The following KLHL13 variants were observed in gnomAD, a reference collection of about 807,000 sequenced individuals.
The protein encoded by KLHL13 is kelch like family member 13, also known as kelch-like protein 13.
Under a neutral mutation model 37.1 loss-of-function variants are expected in KLHL13, and 10 were observed. The observed-to-expected ratio is 0.27, with a 90% CI of 0.17 to 0.46. KLHL13 has a LOEUF of 0.46. Ranked by LOEUF, KLHL13 falls within the 20% of genes least tolerant of loss-of-function variation. The pLI, the probability that KLHL13 is intolerant of heterozygous loss-of-function variation, is 1.00. For missense variants in KLHL13, 360 were observed against 509.3 expected (o/e 0.71, Z 2.82); for synonymous variants, 163 against 181.2 (o/e 0.90, Z 0.81).
intron 6 of KLHL13, among the ~76,000 whole-genome samples, chrX:117,900,672 A>T (rs761658341): frequency 8.9e-6 from 1 of 111,734 alleles, no homozygotes; most frequent in Non-Finnish European, 1.9e-5. Flanking sequence ...AAAATTTCAT[A>T]AGGCAGTGGT....
At chrX:118,022,151 A>G (rs888564803) in intron 1 of KLHL13, among the ~76,000 whole-genome samples, 2 of 111,884 alleles carry the variant, frequency 1.8e-5, no homozygotes, top group Admixed American at 1.9e-4. Context: ...AGATGGGTAG[A>G]TTGTAAAAAT....
intron 2 of KLHL13, among the ~76,000 whole-genome samples, chrX:117,926,771 C>G (rs890898625): frequency 9.2e-6 from 1 of 108,623 alleles, no homozygotes. Flanking sequence ...CACCTCACCC[C>G]ACCCCCTATC....
At chrX:118,035,257 T>C (rs1332656604) in intron 1 of KLHL13, among the ~76,000 whole-genome samples, 8 of 101,224 alleles carry the variant, frequency 7.9e-5, no homozygotes, top group Non-Finnish European at 1.5e-4. Context: ...CCAGCATCAT[T>C]ATGATACCAA....
chrX:118,049,617 G>A (rs2054593896), intron 1 of KLHL13, among the ~76,000 whole-genome samples: 1 of 109,719 alleles, frequency 9.1e-6, no homozygotes. Context: ...AAAATTGATA[G>A]GTCTATCTGG....
chrX:118,007,456 T>A (rs2054000016), intron 1 of KLHL13, among the ~76,000 whole-genome samples: 1 of 108,223 alleles, frequency 9.2e-6, no homozygotes, highest in South Asian at 4.1e-4. Context: ...CAAAGTTATA[T>A]ATTAGTATTT....
intron 1 of KLHL13, among the ~76,000 whole-genome samples, chrX:118,007,399 A>C (rs773479826): frequency 9.5e-6 from 1 of 105,019 alleles, no homozygotes; most frequent in African/African-American, 3.5e-5. Context: ...AAAAAGAGAG[A>C]GAGACCTGCC....
chrX:118,032,211 A>C (rs2497846), intron 1 of KLHL13, among the ~76,000 whole-genome samples: 3 of 110,256 alleles, frequency 2.7e-5, no homozygotes, highest in African/African-American at 6.7e-5. Flanking sequence ...CAAAGCAGCC[A>C]GGAAGCTTGA....
At chrX:118,078,043 G>A (rs1440230105) in intron 1 of KLHL13, among the ~76,000 whole-genome samples, 1 of 111,917 alleles carries the variant, frequency 8.9e-6, no homozygotes, top group Admixed American at 9.5e-5. Flanking sequence ...GAATATCTGT[G>A]TAACAACTTT....
intron 1 of KLHL13, among the ~76,000 whole-genome samples, chrX:118,042,996 G>T (rs2054521000): frequency 9.2e-6 from 1 of 108,816 alleles, no homozygotes; most frequent in Admixed American, 9.8e-5. Flanking sequence ...CAAACCCTGA[G>T]CCAGACAGAA....
At chrX:118,020,178 G>A (rs2054186225) in intron 1 of KLHL13, among the ~76,000 whole-genome samples, 1 of 108,014 alleles carries the variant, frequency 9.3e-6, no homozygotes, top group Non-Finnish European at 1.9e-5. Context: ...TTGAGCAGTG[G>A]TTTGTAGTTC....
intron 1 of KLHL13, among the ~76,000 whole-genome samples, chrX:117,966,954 T>A (rs1022219828): frequency 2.7e-5 from 3 of 111,262 alleles, no homozygotes; most frequent in Admixed American, 1.9e-4. Context: ...AACCATAAAA[T>A]CCCTTGAAGA....
chrX:117,900,041 A>G (rs1929990243), intron 6 of KLHL13, among the ~76,000 whole-genome samples: 1 of 112,401 alleles, frequency 8.9e-6, no homozygotes, highest in South Asian at 3.7e-4. Context: ...ATATTTAAAA[A>G]TCTAAAGAAT....
At chrX:118,036,808 C>T (rs2054448865) in intron 1 of KLHL13, among the ~76,000 whole-genome samples, 1 of 110,658 alleles carries the variant, frequency 9.0e-6, no homozygotes, top group African/African-American at 3.3e-5. Flanking sequence ...GAACAGGAAA[C>T]CTAAAAAATG....
At chrX:118,031,951 T>C (rs895115022) in intron 1 of KLHL13, among the ~76,000 whole-genome samples, 8 of 109,943 alleles carry the variant, frequency 7.3e-5, no homozygotes, top group Non-Finnish European at 1.1e-4. Flanking sequence ...GTCAGGGTGT[T>C]CCCTTTCCTA....
chrX:118,094,527 G>T (rs1432551857), intron 1 of KLHL13, among the ~76,000 whole-genome samples: 1 of 110,751 alleles, frequency 9.0e-6, no homozygotes, highest in Non-Finnish European at 1.9e-5. Flanking sequence ...TCAGATTCAG[G>T]AAATACAGAG....
intron 1 of KLHL13, among the ~76,000 whole-genome samples, chrX:118,016,094 C>T (rs187828195): frequency 4.6e-4 from 52 of 112,236 alleles, no homozygotes; most frequent in African/African-American, 1.4e-3. Context: ...AAGTTAATCA[C>T]ATATGTGTTT....
At chrX:118,094,845 G>C (rs1429445593) in intron 1 of KLHL13, among the ~76,000 whole-genome samples, 27 of 110,887 alleles carry the variant, frequency 2.4e-4, no homozygotes, top group South Asian at 3.9e-4. Flanking sequence ...AATGCTGAGA[G>C]ATTTTGTCAC....
At chrX:118,037,451 G>T (rs1760546017) in intron 1 of KLHL13, among the ~76,000 whole-genome samples, 1 of 94,040 alleles carries the variant, frequency 1.1e-5, no homozygotes, top group African/African-American at 4.0e-5. Context: ...GTAGGGACAT[G>T]GATGAAATTG....
At chrX:118,055,154 T>C (rs2054671428) in intron 1 of KLHL13, among the ~76,000 whole-genome samples, 4 of 111,804 alleles carry the variant, frequency 3.6e-5, no homozygotes, top group African/African-American at 1.3e-4. Flanking sequence ...ATAACAAATA[T>C]TTTTAGCAAA....
Sources: allele counts gnomAD v4.1 joint callset (sites outside exome capture counted in the v4.1 genomes callset), GRCh38; gene constraint gnomAD v4.1.1; transcripts MANE v1.5; gene names NCBI Gene and HGNC (gene_info 2026-07-23, HGNC 2026-07-21).